DIP2A: variants seen among roughly 807,000 people sequenced by gnomAD.
DIP2A encodes the protein disco-interacting protein 2 homolog A.
In DIP2A, 85 loss-of-function variants were observed where a neutral mutation model predicts 177.4. The observed-to-expected ratio is 0.48, with a 90% CI of 0.40 to 0.57. The LOEUF (loss-of-function observed/expected upper bound fraction) is 0.57, where lower values mean the gene tolerates loss of function less well. DIP2A is among the 20% of genes least tolerant of loss of function. DIP2A has a pLI of 0.00. For missense variants in DIP2A, 1,791 were observed against 2,100.2 expected (o/e 0.85, Z 2.88); for synonymous variants, 886 against 881.8 (o/e 1.00, Z -0.08).
At chr21:46,471,391 C>T (rs1473508167) in intron 1 of DIP2A, among the ~76,000 whole-genome samples, 1 of 152,102 alleles carries the variant, frequency 6.6e-6, no homozygotes, top group Non-Finnish European at 1.5e-5. Context: ...GAGAAAGGTA[C>T]GGAACTATCC....
At chr21:46,565,092 C>T (rs1291676424) in intron 35 of DIP2A, among the ~76,000 whole-genome samples, 1 of 152,266 alleles carries the variant, frequency 6.6e-6, no homozygotes, top group Non-Finnish European at 1.5e-5. Context: ...TCTAGAAGGG[C>T]CCCATGACAC....
intron 1 of DIP2A, among the ~76,000 whole-genome samples, chr21:46,479,789 T>C (rs1187524606): frequency 2.0e-5 from 3 of 152,206 alleles, no homozygotes; most frequent in Admixed American, 2.0e-4. Context: ...CACCTTGGCC[T>C]CCCAAAGTGC....
At chr21:46,551,118 C>T (rs1204659014) in intron 23 of DIP2A, among the ~76,000 whole-genome samples, 1 of 152,228 alleles carries the variant, frequency 6.6e-6, no homozygotes, top group East Asian at 1.9e-4. Flanking sequence ...CACCCAGTGT[C>T]TGTGTGGCCT....
At chr21:46,523,560 T>A (rs868527408) in intron 8 of DIP2A, among the ~76,000 whole-genome samples, 27 of 147,880 alleles carry the variant, frequency 1.8e-4, no homozygotes, top group South Asian at 8.5e-4. Context: ...TGCTTTTTTT[T>A]AAAATTCCTT....
intron 1 of DIP2A, among the ~76,000 whole-genome samples, chr21:46,481,763 C>T (rs531055809): frequency 6.6e-6 from 1 of 152,074 alleles, no homozygotes; most frequent in Non-Finnish European, 1.5e-5. Context: ...AGGAAAAAAT[C>T]AGTGGGGCCA....
chr21:46,474,282 G>A (rs986115536), intron 1 of DIP2A, among the ~76,000 whole-genome samples: 1 of 152,208 alleles, frequency 6.6e-6, no homozygotes, highest in African/African-American at 2.4e-5. Flanking sequence ...GACCCAGAGT[G>A]CATTTGGATA....
chr21:46,521,125 G>A (rs1231576627), intron 8 of DIP2A, among the ~76,000 whole-genome samples: 1 of 152,092 alleles, frequency 6.6e-6, no homozygotes, highest in Non-Finnish European at 1.5e-5. Context: ...CAAATAATCT[G>A]TCTCCTTTCT....
rs1350532051 is a variant in DIP2A at position 46,554,819 on chromosome 21, C to T, written c.3277-3C>T. The T allele has an allele frequency of 6.5e-7, 1 of 1,541,920 alleles. No individual in the cohort carries two copies. The highest frequency in any genetic ancestry group is 1.2e-5 in the South Asian group (1 of 83,798). On this transcript the variant is annotated splice_polypyrimidine_tract_variant and splice_region_variant and intron_variant, in intron 27 of 37. Coordinates refer to ENST00000417564, the MANE Select transcript of DIP2A (RefSeq NM_015151.4). Reference sequence around the variant, plus strand: ...CACCCACCCTTGGCCCCTCGCCATGCAGGTCAGCAAGTCTGCATGCGTCCT... The same window carrying T: ...CACCCACCCTTGGCCCCTCGCCATGTAGGTCAGCAAGTCTGCATGCGTCCT...
chr21:46,574,094 C>T (rs72613657), downstream of DIP2A, among the ~76,000 whole-genome samples: 14,510 of 152,136 alleles, frequency 0.095, 923 homozygotes, highest in East Asian at 0.33. Context: ...CCAGGATAGA[C>T]AACATGTTAG....
chr21:46,562,333 C>G (rs1401967795), intron 34 of DIP2A, among the ~76,000 whole-genome samples: 1 of 152,188 alleles, frequency 6.6e-6, no homozygotes, highest in Non-Finnish European at 1.5e-5. Context: ...ATCCTCTGAA[C>G]CAGGAAGGGT....
chr21:46,498,665 G>A lies in DIP2A; in HGVS notation c.487G>A (p.Val163Ile), dbSNP rs199555654. 1,791 of 1,613,712 alleles carry A rather than the reference G, an allele frequency of 1.1e-3. 13 individuals are homozygous for A. The South Asian group carries it at 0.013, about 11-fold the overall frequency. ...TSTPLQSHSS[V>I]EPWLDRVIQG... ...CACTCCGCTCCAGAGCCATTCCAGC[G>A]TCGAGCCCTGGCTCGACCGGGTCAT... The change falls in exon 5 of 38, where the codon GTC becomes ATC. Residue 163 changes from valine (V) to isoleucine (I), a missense_variant. Coordinates refer to ENST00000417564, the MANE Select transcript of DIP2A (RefSeq NM_015151.4). The surrounding 1 kb of genome is among the most constrained non-coding windows in gnomAD (Gnocchi z 4.3).
chr21:46,466,812 C>G (rs2054874795), intron 1 of DIP2A, among the ~76,000 whole-genome samples: 1 of 152,018 alleles, frequency 6.6e-6, no homozygotes, highest in Admixed American at 6.5e-5. Flanking sequence ...AAAAACCACA[C>G]AGTACAACAG....
chr21:46,477,342 C>T (rs1407518366), intron 1 of DIP2A, among the ~76,000 whole-genome samples: 2 of 151,666 alleles, frequency 1.3e-5, no homozygotes, highest in Non-Finnish European at 2.9e-5. Flanking sequence ...GCCTGGTCAA[C>T]ATGGTGAAAC....
chr21:46,575,624 C>T, the DIP2A span, among the ~76,000 whole-genome samples: 7 of 151,830 alleles, frequency 4.6e-5, no homozygotes, highest in Non-Finnish European at 7.4e-5. Flanking sequence ...ATGAACAATT[C>T]GAAAAGGAAA....
At position 46,540,011 on chromosome 21, in the gene DIP2A, T is replaced by C. The variant is rs1323656220; in HGVS notation, c.2036+20T>C. On this transcript the variant is annotated intron_variant, in intron 17 of 37. Transcript: ENST00000417564. ...CCGCAGGTAACCTTATTCCTTGCTA[T>C]GTCTCATGAGCACTTAGTTGAATCT... The C allele has an allele frequency of 3.4e-5, 54 of 1,586,226 alleles. No individual in the cohort carries two copies. Among genetic ancestry groups the C allele is most frequent in the Non-Finnish European group, 4.2e-5 (48 of 1,154,778 alleles).
chr21:46,558,184 G>T, intron 31 of DIP2A, 39 bp from the exon 32 acceptor site: 1 of 1,576,720 alleles, frequency 6.3e-7, no homozygotes, highest in South Asian at 1.2e-5. Context: ...GCAACTCACT[G>T]AGCTGTGGCC....
Position 46,557,769 on chromosome 21 carries a change from C to G in DIP2A, c.3798+16C>G. 1 of 1,596,554 alleles carries G rather than the reference C, an allele frequency of 6.3e-7. No individual in the cohort carries two copies. The highest frequency in any genetic ancestry group is 8.6e-7 in the Non-Finnish European group (1 of 1,165,798). The stretch of plus-strand genomic sequence containing the variant: ...TGTCCTCAGGGTGAGTGCCCAGACC[C>G]GGGCTTCTGAGTGTGCTGCAGACCA... On this transcript the variant is annotated intron_variant, in intron 31 of 37. Coordinates refer to ENST00000417564, the MANE Select transcript of DIP2A (RefSeq NM_015151.4). This position sits in a 1 kb window ranked among gnomAD's most constrained non-coding sequence, Gnocchi z 6.0.
chr21:46,566,437 T>A, intron 36 of DIP2A, 123 bp from the exon 37 acceptor site: 1 of 1,339,866 alleles, frequency 7.5e-7, no homozygotes, highest in Non-Finnish European at 1.0e-6. Context: ...GTGTGCGACC[T>A]CATGATGTTT....
Position 46,556,366 on chromosome 21 carries a change from C to T in DIP2A, c.3498+275C>T, listed in dbSNP as rs753403095. ...CTGGTGGCTTTGAAGAATCTCTTAC[C>T]TTGCTGGGAGTCAATAGCTCAATTA... On this transcript the variant is annotated intron_variant, in intron 29 of 37. Coordinates refer to ENST00000417564, the MANE Select transcript of DIP2A (RefSeq NM_015151.4). The surrounding 1 kb of genome is among the most constrained non-coding windows in gnomAD (Gnocchi z 4.5). The T allele has an allele frequency of 2.8e-6, 4 of 1,410,552 alleles. No homozygotes were observed. In the African/African-American group the frequency reaches 4.3e-5, roughly 15 times the overall value. The allele number at this position is 1,410,552 out of a possible 1,614,324, so 87.4% of individuals were successfully genotyped here. A position where few individuals can be genotyped will look rare whatever the true frequency, so the allele number is the denominator to read the frequency against.
Sources: allele counts gnomAD v4.1 joint callset (sites outside exome capture counted in the v4.1 genomes callset), GRCh38; gene constraint gnomAD v4.1.1; non-coding constraint Gnocchi (gnomAD v3.1); transcripts MANE v1.5; gene names NCBI Gene and HGNC (gene_info 2026-07-23, HGNC 2026-07-21).